ERBIN: variants seen among roughly 807,000 people sequenced by gnomAD.
ERBIN encodes erbb2 interacting protein.
Under a neutral mutation model 158.4 loss-of-function variants are expected in ERBIN, and 60 were observed. The observed-to-expected ratio is 0.38, with a 90% CI of 0.31 to 0.47. The LOEUF (loss-of-function observed/expected upper bound fraction) is 0.47. Among genes scored for constraint, ERBIN ranks in the 20% least tolerant of loss-of-function variants. The pLI, the probability that ERBIN is intolerant of heterozygous loss-of-function variation, is 0.99. For synonymous variants in ERBIN, 594 were observed against 557.2 expected (o/e 1.07, Z -0.93); for missense variants, 1,610 against 1,648.0 (o/e 0.98, Z 0.40).
Position 65,992,456 on chromosome 5 carries a change from A to T in ERBIN, c.-9-254A>T, listed in dbSNP as rs547976893. On this transcript the variant is annotated intron_variant, in intron 2 of 25. Coordinates refer to ENST00000284037, the MANE Select transcript of ERBIN (RefSeq NM_001253697.2). ...GCCACTGCGCCCGGCCTCAAAGCAC[A>T]GTTTTTGAAGAAGCATGTAAATGGC... Among the ~76,000 whole-genome samples the T allele has an allele frequency of 7.5e-4, 114 of 152,272 alleles. 2 individuals are homozygous for T. Among genetic ancestry groups the T allele is most frequent in the Middle Eastern group, 3.4e-3 (1 of 294 alleles).
At chr5:65,941,278 ATCC>A (rs1463136370) in intron 1 of ERBIN, among the ~76,000 whole-genome samples, 27 of 150,648 alleles carry the variant, frequency 1.8e-4, no homozygotes, top group South Asian at 6.3e-4. Context: ...ACCCTGCCAA[ATCC>A]TCCTCTGTGA....
intron 13 of ERBIN, among the ~76,000 whole-genome samples, chr5:66,026,930 A>G (rs1756319438): frequency 6.6e-6 from 1 of 152,008 alleles, no homozygotes; most frequent in Non-Finnish European, 1.5e-5. Context: ...GTCTGTTGCT[A>G]ATATTTTCCT....
At chr5:65,952,523 C>T (rs1411932850) in intron 1 of ERBIN, among the ~76,000 whole-genome samples, 2 of 151,944 alleles carry the variant, frequency 1.3e-5, no homozygotes, top group Non-Finnish European at 2.9e-5. Context: ...GGTTGGCGCC[C>T]CTGCTCCTGG....
chr5:65,938,271 C>T (rs1744334554), intron 1 of ERBIN, among the ~76,000 whole-genome samples: 2 of 151,818 alleles, frequency 1.3e-5, no homozygotes, highest in African/African-American at 4.8e-5. Flanking sequence ...TGTTTATTAT[C>T]TACTATAGTG....
At chr5:65,954,490 C>G (rs1746863832) in intron 1 of ERBIN, among the ~76,000 whole-genome samples, 1 of 152,124 alleles carries the variant, frequency 6.6e-6, no homozygotes, top group African/African-American at 2.4e-5. Flanking sequence ...TACATGTGGA[C>G]CTGAGTACAT....
At chr5:65,937,137 A>G (rs1007431390) in intron 1 of ERBIN, among the ~76,000 whole-genome samples, 1 of 152,190 alleles carries the variant, frequency 6.6e-6, no homozygotes, top group Non-Finnish European at 1.5e-5. Flanking sequence ...TGTGTTCTAC[A>G]TGGTTTTTAT....
At chr5:65,936,389 TC>T (rs1744084428) in intron 1 of ERBIN, among the ~76,000 whole-genome samples, 1 of 152,180 alleles carries the variant, frequency 6.6e-6, no homozygotes, top group South Asian at 2.1e-4. Context: ...ATCAAATGGA[TC>T]CTTTGGGTGC....
intron 1 of ERBIN, among the ~76,000 whole-genome samples, chr5:65,944,946 C>CT (rs1036165514): frequency 2.0e-4 from 30 of 151,762 alleles, no homozygotes; most frequent in African/African-American, 7.3e-4. Context: ...TCTTGATAGT[C>CT]TTTTTAAGAA....
In ERBIN at chr5:65,992,894, A is replaced by G. The variant is rs1752030459; in HGVS notation, c.176A>G (p.Glu59Gly). 6.3e-7 allele frequency: 1 copy of G among 1,595,936 alleles called. No individual in the cohort carries two copies. The highest frequency in any genetic ancestry group is 8.5e-7 in the Non-Finnish European group (1 of 1,174,024). Residue 59 changes from glutamate to glycine, a missense_variant, in exon 3 of 26, where the codon GAA becomes GGA. Coordinates refer to ENST00000284037, the MANE Select transcript of ERBIN (RefSeq NM_001253697.2). ...EELYLDANQI[E>G]ELPKQLFNCQ... ...CTCTATTTAGATGCTAATCAGATTGAAGAGCTTCCAAAGGTATGCTAATAC... is the reference window on the plus strand; with the variant it reads ...CTCTATTTAGATGCTAATCAGATTGGAGAGCTTCCAAAGGTATGCTAATAC...
intron 4 of ERBIN, among the ~76,000 whole-genome samples, chr5:66,009,147 A>G (rs981099410): frequency 2.0e-5 from 3 of 152,174 alleles, no homozygotes; most frequent in Non-Finnish European, 4.4e-5. Context: ...GCACTGCTAC[A>G]TGTTCTCCCT....
chr5:66,003,310 G>A (rs986364490), intron 4 of ERBIN, among the ~76,000 whole-genome samples: 2 of 152,088 alleles, frequency 1.3e-5, no homozygotes, highest in Non-Finnish European at 2.9e-5. Flanking sequence ...ACTTCATGGT[G>A]AGCAAAAACT....
intron 1 of ERBIN, among the ~76,000 whole-genome samples, chr5:65,946,106 TG>T (rs1745709008): frequency 6.6e-6 from 1 of 152,204 alleles, no homozygotes; most frequent in African/African-American, 2.4e-5. Context: ...AGCTCATGCC[TG>T]TAATCCCAGC....
At chr5:66,000,346 A>G (rs1280563098) in intron 4 of ERBIN, among the ~76,000 whole-genome samples, 1 of 152,204 alleles carries the variant, frequency 6.6e-6, no homozygotes, top group African/African-American at 2.4e-5. Flanking sequence ...CTACAGCATC[A>G]TTAAATTAAT....
At chr5:65,971,107 T>G (rs914421239) in intron 1 of ERBIN, among the ~76,000 whole-genome samples, 1 of 152,222 alleles carries the variant, frequency 6.6e-6, no homozygotes, top group Non-Finnish European at 1.5e-5. Context: ...CCAAAGTGTT[T>G]AGGTTTGACC....
intron 1 of ERBIN, among the ~76,000 whole-genome samples, chr5:65,955,153 C>T (rs568026869): frequency 3.3e-5 from 5 of 152,052 alleles, no homozygotes; most frequent in East Asian, 3.9e-4. Flanking sequence ...TAAAATGGTT[C>T]GGATTTTTAA....
At chr5:65,991,619 T>C (rs918121424) in intron 2 of ERBIN, among the ~76,000 whole-genome samples, 1 of 152,244 alleles carries the variant, frequency 6.6e-6, no homozygotes, top group Admixed American at 6.5e-5. Context: ...CTTTTATTTC[T>C]TCAAGTTAAT....
At chr5:65,939,690 G>A (rs1371319686) in intron 1 of ERBIN, among the ~76,000 whole-genome samples, 7 of 152,168 alleles carry the variant, frequency 4.6e-5, no homozygotes, top group Non-Finnish European at 7.3e-5. Context: ...GCGATTGCAG[G>A]CGTGCGCCAC....
chr5:66,032,285 A>G lies in ERBIN; in HGVS notation c.1206+3942A>G, dbSNP rs1402151979. Among the ~76,000 whole-genome samples the G allele has an allele frequency of 3.3e-5, 5 of 152,324 alleles. No homozygotes were observed. The East Asian group carries it at 5.8e-4, about 18-fold the overall frequency. On this transcript the variant is annotated intron_variant, in intron 14 of 25. Transcript: ENST00000284037. Reference sequence around the variant, plus strand: ...TTTTTAAAATCTTGTACTCTTATCAATTATGAGTGGCTTCCTGAAAAATTG... The same window carrying G: ...TTTTTAAAATCTTGTACTCTTATCAGTTATGAGTGGCTTCCTGAAAAATTG...
At chr5:66,009,925 G>C (rs1754029051) in intron 4 of ERBIN, among the ~76,000 whole-genome samples, 1 of 152,100 alleles carries the variant, frequency 6.6e-6, no homozygotes, top group Admixed American at 6.5e-5. Flanking sequence ...GAAAAGACCA[G>C]GGAATGCAAC....
Sources: allele counts gnomAD v4.1 joint callset (sites outside exome capture counted in the v4.1 genomes callset), GRCh38; gene constraint gnomAD v4.1.1; transcripts MANE v1.5; gene names NCBI Gene and HGNC (gene_info 2026-07-23, HGNC 2026-07-21).